The following TTC28 variants were observed in gnomAD, a reference collection of about 807,000 sequenced individuals.
TTC28 encodes the protein tetratricopeptide repeat domain 28.
TTC28 carries 61 observed loss-of-function variants against 198.0 expected under a neutral mutation model. The observed-to-expected ratio is 0.31, with a 90% CI of 0.25 to 0.38. The LOEUF (loss-of-function observed/expected upper bound fraction) is 0.38. Ranked by LOEUF, TTC28 falls within the 10% of genes least tolerant of loss-of-function variation. The pLI is 1.00. For missense variants in TTC28, 2,678 were observed against 3,164.0 expected (o/e 0.85, Z 3.69); for synonymous variants, 1,171 against 1,297.8 (o/e 0.90, Z 2.10).
At chr22:28,038,653 G>A (rs1336453142) in intron 12 of TTC28, among the ~76,000 whole-genome samples, 4 of 152,178 alleles carry the variant, frequency 2.6e-5, no homozygotes, top group Non-Finnish European at 5.9e-5. Flanking sequence ...GGCAACAAAA[G>A]CCAAAATTGA....
intron 2 of TTC28, among the ~76,000 whole-genome samples, chr22:28,565,440 A>T (rs1054060055): frequency 2.6e-5 from 4 of 152,234 alleles, no homozygotes; most frequent in Non-Finnish European, 5.9e-5. Flanking sequence ...CTGCACACAC[A>T]TATTCACATA....
At chr22:28,325,566 G>T (rs2045515823) in intron 2 of TTC28, among the ~76,000 whole-genome samples, 1 of 152,024 alleles carries the variant, frequency 6.6e-6, no homozygotes, top group Admixed American at 6.6e-5. Flanking sequence ...TACTTTTCTA[G>T]AAGAAAATAT....
chr22:28,368,293 T>C (rs2046279368), intron 2 of TTC28, among the ~76,000 whole-genome samples: 1 of 152,022 alleles, frequency 6.6e-6, no homozygotes, highest in Non-Finnish European at 1.5e-5. Context: ...AAGGCCAAAA[T>C]ACATATGATC....
intron 2 of TTC28, among the ~76,000 whole-genome samples, chr22:28,464,526 A>G (rs1166928248): frequency 6.6e-6 from 1 of 152,072 alleles, no homozygotes; most frequent in East Asian, 1.9e-4. Context: ...TTATTTTTCA[A>G]TTTTCTTTAG....
chr22:28,266,221 A>T (rs1174155704), intron 5 of TTC28, among the ~76,000 whole-genome samples: 1 of 151,964 alleles, frequency 6.6e-6, no homozygotes, highest in Non-Finnish European at 1.5e-5. Flanking sequence ...GGCTTAAATT[A>T]AAAAATATGT....
At chr22:28,524,171 A>T (rs2048963454) in intron 2 of TTC28, among the ~76,000 whole-genome samples, 1 of 152,156 alleles carries the variant, frequency 6.6e-6, no homozygotes, top group Non-Finnish European at 1.5e-5. Context: ...ATGAGTGAAC[A>T]TAAGTAGGTA....
chr22:28,274,532 C>T (rs1932285996), intron 5 of TTC28, among the ~76,000 whole-genome samples: 1 of 152,046 alleles, frequency 6.6e-6, no homozygotes, highest in Admixed American at 6.5e-5. Context: ...TACTAAGAAC[C>T]AGGCTGAGAA....
intron 1 of TTC28, among the ~76,000 whole-genome samples, chr22:28,632,644 A>T (rs775150368): frequency 6.6e-6 from 1 of 152,124 alleles, no homozygotes; most frequent in Non-Finnish European, 1.5e-5. Flanking sequence ...CTTAAGGTCA[A>T]TAATACCATA....
At chr22:28,187,542 ACT>A (rs1389567281) in intron 5 of TTC28, among the ~76,000 whole-genome samples, 2 of 152,306 alleles carry the variant, frequency 1.3e-5, no homozygotes, top group East Asian at 3.9e-4. Context: ...AGAATTTGTC[ACT>A]GTTTCTCAGC....
rs553326378 is a variant in TTC28 at position 28,499,256 on chromosome 22, G to A, written c.381+130296C>T. Among the ~76,000 whole-genome samples the A allele has an allele frequency of 4.6e-5, 7 of 152,184 alleles. No homozygotes were observed. The South Asian group carries it at 1.5e-3, about 32-fold the overall frequency. On this transcript the variant is annotated intron_variant, in intron 2 of 22. Transcript: ENST00000397906. ...GATTAATGGTCAGGAAGATGTGACT[G>A]TGAAAAAATGTGAAAATAAACGAGA...
chr22:28,144,820 G>C (rs1238403976), intron 6 of TTC28, among the ~76,000 whole-genome samples: 1 of 152,214 alleles, frequency 6.6e-6, no homozygotes, highest in African/African-American at 2.4e-5. Context: ...ACTGCTGCAG[G>C]GGAATATGCG....
At chr22:28,567,072 G>A (rs557826520) in intron 2 of TTC28, among the ~76,000 whole-genome samples, 15 of 152,096 alleles carry the variant, frequency 9.9e-5, no homozygotes, top group South Asian at 6.2e-4. Context: ...AAAATTAGCC[G>A]GGCATGGTGG....
In TTC28 at chr22:27,992,803, C is replaced by G. The variant is rs1399767831; in HGVS notation, c.5477-140G>C. 6.4e-6 allele frequency: 5 copies of G among 781,600 alleles called. No individual in the cohort carries two copies. The African/African-American group carries it at 7.0e-5, about 11-fold the overall frequency. 48.4% of individuals were successfully genotyped at this position (781,600 alleles called of 1,614,324 possible). The stretch of plus-strand genomic sequence containing the variant: ...GCTCAGCACAGCTAGACATGTGTGT[C>G]TGTGTGTGCCTTGGAAAAGGACAGC... On this transcript the variant is annotated intron_variant, in intron 18 of 22. Coordinates refer to ENST00000397906, the MANE Select transcript of TTC28 (RefSeq NM_001145418.2).
intron 2 of TTC28, among the ~76,000 whole-genome samples, chr22:28,365,904 AAGAC>A (rs1447054485): frequency 1.1e-4 from 17 of 152,204 alleles, no homozygotes; most frequent in African/African-American, 4.1e-4. Context: ...GATGTGCAAA[AAGAC>A]AGTAGCATTA....
At chr22:28,597,195 T>C (rs738748) in intron 2 of TTC28, among the ~76,000 whole-genome samples, 30,156 of 152,164 alleles carry the variant, frequency 0.2, 3,591 homozygotes, top group Admixed American at 0.38. Flanking sequence ...AAAAAACACA[T>C]AACACCAAAA....
At chr22:28,180,044 T>G (rs1923552921) in intron 5 of TTC28, among the ~76,000 whole-genome samples, 1 of 152,186 alleles carries the variant, frequency 6.6e-6, no homozygotes, top group Non-Finnish European at 1.5e-5. Context: ...TAATTTATCT[T>G]TGCATAATTA....
intron 2 of TTC28, among the ~76,000 whole-genome samples, chr22:28,392,705 G>C (rs1215993627): frequency 6.6e-6 from 1 of 152,046 alleles, no homozygotes; most frequent in Non-Finnish European, 1.5e-5. Context: ...TTCGGCTCAC[G>C]CATGGTGCGC....
chr22:28,193,132 A>C (rs1206556078), intron 5 of TTC28, among the ~76,000 whole-genome samples: 2 of 152,212 alleles, frequency 1.3e-5, no homozygotes, highest in Non-Finnish European at 2.9e-5. Context: ...GGGGGCCAAT[A>C]TTCAATATTC....
At chr22:28,669,388 C>A (rs1374777328) in intron 1 of TTC28, among the ~76,000 whole-genome samples, 3 of 151,612 alleles carry the variant, frequency 2.0e-5, no homozygotes, top group Non-Finnish European at 4.4e-5. Context: ...ATATTGGTAA[C>A]ATGGAAATTC....
Sources: allele counts gnomAD v4.1 joint callset (sites outside exome capture counted in the v4.1 genomes callset), GRCh38; gene constraint gnomAD v4.1.1; transcripts MANE v1.5; gene names NCBI Gene and HGNC (gene_info 2026-07-23, HGNC 2026-07-21).